Variants in TRPC5 observed in about 807,000 individuals in gnomAD.
TRPC5 encodes the protein transient receptor potential cation channel subfamily C member 5.
TRPC5 carries 9 observed loss-of-function variants against 56.5 expected under a neutral mutation model. The observed-to-expected ratio is 0.16, with a 90% CI of 0.10 to 0.28. The LOEUF (loss-of-function observed/expected upper bound fraction) is 0.28. Ranked by LOEUF, TRPC5 falls within the 10% of genes least tolerant of loss-of-function variation. TRPC5 has a pLI of 1.00. For synonymous variants in TRPC5, 282 were observed against 278.5 expected, an observed-to-expected ratio of 1.01 and a Z score of -0.13; for missense variants, 469 against 748.9, an observed-to-expected ratio of 0.63 and a Z score of 4.36.
At chrX:111,830,181 T>G (rs1922368260) in intron 7 of TRPC5, among the ~76,000 whole-genome samples, 1 of 112,608 alleles carries the variant, frequency 8.9e-6, no homozygotes, top group Non-Finnish European at 1.9e-5. Context: ...GGGACTTGCA[T>G]GGAGCCTGTA....
chrX:111,920,886 T>C (rs757064418), intron 2 of TRPC5, among the ~76,000 whole-genome samples: 81 of 111,949 alleles, frequency 7.2e-4, no homozygotes, highest in Non-Finnish European at 4.5e-4. Context: ...CTAGTAGCTA[T>C]TAAGAAAAAT....
At chrX:111,977,727 G>T (rs1927968522) in intron 1 of TRPC5, among the ~76,000 whole-genome samples, 1 of 111,645 alleles carries the variant, frequency 9.0e-6, no homozygotes, top group Non-Finnish European at 1.9e-5. Flanking sequence ...CAAATAAGTG[G>T]TTAGTATCCA....
At chrX:111,966,740 C>T (rs1462794922) in intron 1 of TRPC5, among the ~76,000 whole-genome samples, 3 of 112,626 alleles carry the variant, frequency 2.7e-5, no homozygotes, top group Non-Finnish European at 5.6e-5. Context: ...ACATGATTAT[C>T]TCAATAGATG....
chrX:111,888,758 G>A (rs1170713065), intron 3 of TRPC5, among the ~76,000 whole-genome samples: 1 of 107,286 alleles, frequency 9.3e-6, no homozygotes, highest in Non-Finnish European at 1.9e-5. Flanking sequence ...GTGAGGCAAG[G>A]CAAAGAGACT....
chrX:111,840,474 TATTC>T (rs1279255388), intron 6 of TRPC5, among the ~76,000 whole-genome samples: 1 of 112,772 alleles, frequency 8.9e-6, no homozygotes, highest in Non-Finnish European at 1.9e-5. Flanking sequence ...AGTCTGTACA[TATTC>T]AGTACAGATG....
rs188963513 is a variant in TRPC5 at position 111,835,813 on chromosome X, A to G, written c.1701-697T>C. On this transcript the variant is annotated intron_variant, in intron 6 of 10. Transcript: ENST00000262839. Reference sequence around the variant, plus strand: ...ATACTTCTTTTGTGGCTCTCACAGGACCCAGATAACTCTAAACTGCATGGA... The same window carrying G: ...ATACTTCTTTTGTGGCTCTCACAGGGCCCAGATAACTCTAAACTGCATGGA... 9.0e-3 allele frequency among the ~76,000 whole-genome samples: 1,004 copies of G among 111,684 alleles called. 5 individuals carry two copies. The highest frequency in any genetic ancestry group is 0.015 in the Non-Finnish European group (785 of 53,142).
intron 3 of TRPC5, among the ~76,000 whole-genome samples, chrX:111,898,520 C>T (rs961771369): frequency 6.4e-5 from 7 of 109,093 alleles, no homozygotes; most frequent in African/African-American, 2.3e-4. Flanking sequence ...AGTTGTTCCT[C>T]CCTCCCTCCT....
chrX:111,999,306 A>T, intron 1 of TRPC5, among the ~76,000 whole-genome samples: 1 of 110,148 alleles, frequency 9.1e-6, no homozygotes, highest in Non-Finnish European at 1.9e-5. Flanking sequence ...ACACTATTTT[A>T]CTCACTACCT....
At chrX:111,900,461 G>A (rs1346741172) in intron 3 of TRPC5, among the ~76,000 whole-genome samples, 1 of 111,965 alleles carries the variant, frequency 8.9e-6, no homozygotes, top group Non-Finnish European at 1.9e-5. Flanking sequence ...AAACAATCTG[G>A]TGAAGGGAGA....
intron 3 of TRPC5, among the ~76,000 whole-genome samples, chrX:111,855,674 C>T (rs1923205701): frequency 1.8e-5 from 2 of 112,360 alleles, no homozygotes; most frequent in South Asian, 7.3e-4. Flanking sequence ...TATGTCCTCA[C>T]ACTTCCCTTC....
intron 3 of TRPC5, among the ~76,000 whole-genome samples, chrX:111,911,701 C>G (rs935009562): frequency 8.0e-5 from 9 of 112,260 alleles, no homozygotes; most frequent in African/African-American, 2.9e-4. Flanking sequence ...ATAGCAGATC[C>G]TGCTTCAGCC....
intron 1 of TRPC5, among the ~76,000 whole-genome samples, chrX:111,961,641 T>G (rs1185381695): frequency 8.9e-6 from 1 of 112,381 alleles, no homozygotes; most frequent in East Asian, 2.8e-4. Context: ...TTATTGTAAA[T>G]GAAGCTGAGA....
At chrX:112,012,041 C>T (rs746352006) in intron 1 of TRPC5, among the ~76,000 whole-genome samples, 4 of 112,261 alleles carry the variant, frequency 3.6e-5, no homozygotes, top group Non-Finnish European at 7.5e-5. Context: ...ACTGTACTCA[C>T]GTATTTTCAG....
intron 3 of TRPC5, among the ~76,000 whole-genome samples, chrX:111,897,275 C>T (rs1177764833): frequency 9.0e-6 from 1 of 111,547 alleles, no homozygotes; most frequent in African/African-American, 3.3e-5. Flanking sequence ...CCTTGACACA[C>T]AATAGGTCTC....
At chrX:111,857,494 A>G (rs1212750263) in intron 3 of TRPC5, among the ~76,000 whole-genome samples, 1 of 112,439 alleles carries the variant, frequency 8.9e-6, no homozygotes, top group African/African-American at 3.2e-5. Context: ...ATGGAAGTGC[A>G]TGCCTTTTTA....
chrX:111,834,148 C>T lies in TRPC5; in HGVS notation c.1896+773G>A, dbSNP rs756452387. ...AAACCAGGGCAGGGACTAAATTGAT[C>T]CTGTATCCTACACTTTCACTATTTC... On this transcript the variant is annotated intron_variant, in intron 7 of 10. Transcript: ENST00000262839. Among the ~76,000 whole-genome samples the T allele has an allele frequency of 4.5e-5, 5 of 112,157 alleles. No individual in the cohort carries two copies. The East Asian group carries it at 1.1e-3, about 25-fold the overall frequency.
At chrX:111,844,464 T>C (rs375499167) in intron 6 of TRPC5, among the ~76,000 whole-genome samples, 265 of 106,204 alleles carry the variant, frequency 2.5e-3, no homozygotes, top group African/African-American at 8.4e-3. Flanking sequence ...TTCTTTCTTT[T>C]TTTTTTTTTT....
chrX:112,059,935 G>A (rs193098966), intron 1 of TRPC5, among the ~76,000 whole-genome samples: 1 of 112,125 alleles, frequency 8.9e-6, no homozygotes, highest in Non-Finnish European at 1.9e-5. Flanking sequence ...CTTAGAATCT[G>A]TCCAGTAAAG....
In TRPC5 at chrX:111,853,971, T is replaced by A. The variant is rs1315726119; in HGVS notation, c.1036A>T (p.Ile346Leu). ...CTCCTGGGTGAGATCAGGTAGGCTA[T>A]AGACAGCATGGGAAACAGGAACCCA... is the stretch of plus-strand genomic sequence containing the variant. ...TIGFLFPMLS[I>L]AYLISPRSNL... The change falls in exon 4 of 11, where the codon ATA becomes TTA. Residue 346 changes from isoleucine to leucine, a missense_variant. Around this residue, in one of 3 missense-constraint regions of TRPC5, gnomAD observed 157 missense variants for 360.0 expected, o/e 0.44. Transcript: ENST00000262839. 1 of 1,209,959 alleles carries A rather than the reference T, an allele frequency of 8.3e-7. No individual in the cohort carries two copies. Among genetic ancestry groups the A allele is most frequent in the Non-Finnish European group, 1.1e-6 (1 of 895,224 alleles).
Sources: gnomAD v4.1 joint callset for allele counts (sites outside exome capture counted in the v4.1 genomes callset) on GRCh38, gnomAD v4.1.1 for gene constraint, gnomAD v4.1.1 regional missense constraint, MANE v1.5 for transcripts, NCBI Gene and HGNC (gene_info 2026-07-23, HGNC 2026-07-21) for gene names.